ZNF800: variants seen among roughly 807,000 people sequenced by gnomAD.
The protein encoded by ZNF800 is zinc finger protein 800.
ZNF800 carries 13 observed loss-of-function variants against 59.5 expected under a neutral mutation model. The ratio of observed to expected loss-of-function variants is 0.22; its 90% CI spans 0.14 to 0.35. The LOEUF is 0.35. Ranked by LOEUF, ZNF800 falls within the 10% of genes least tolerant of loss-of-function variation. ZNF800 has a pLI of 1.00. For missense variants in ZNF800, 621 were observed against 783.7 expected (o/e 0.79, Z 2.48); for synonymous variants, 266 against 265.7 (o/e 1.00, Z -0.01).
intron 4 of ZNF800, 71 bp from the exon 5 acceptor site, chr7:127,375,105 T>G: frequency 1.6e-6 from 2 of 1,270,966 alleles, no homozygotes; most frequent in Non-Finnish European, 2.1e-6. Context: ...TTTTAAGATA[T>G]ATTATGAACC....
intron 1 of ZNF800, chr7:127,350,326 G>C (rs1308354073): frequency 6.6e-6 from 1 of 152,128 alleles, no homozygotes; most frequent in African/African-American, 2.4e-5. Flanking sequence ...TCTTTTGAAA[G>C]AAAAATGACT....
intron 1 of ZNF800, among the ~76,000 whole-genome samples, chr7:127,359,393 G>C (rs1004339610): frequency 6.6e-6 from 1 of 152,074 alleles, no homozygotes; most frequent in Non-Finnish European, 1.5e-5. Context: ...TTATTTAAAA[G>C]CTATAACACT....
chr7:127,386,275 C>A, intron 2 of ZNF800, 120 bp from the exon 3 acceptor site: 2 of 564,558 alleles, frequency 3.5e-6, no homozygotes, highest in Non-Finnish European at 3.1e-6. Context: ...CACTTGTGCC[C>A]GCACACACAC....
downstream of ZNF800, chr7:127,346,670 T>C (rs1800070548): frequency 6.6e-6 from 1 of 152,236 alleles, no homozygotes; most frequent in East Asian, 1.9e-4. Flanking sequence ...GCATGGAATG[T>C]CTGATGATGT....
At chr7:127,391,419 G>GA in intron 2 of ZNF800, 78 bp downstream of exon 2, 8 of 1,406,804 alleles carry the variant, frequency 5.7e-6, no homozygotes, top group Middle Eastern at 1.8e-4. Context: ...GGGGCAGGAG[G>GA]AAAAAAAGCT....
downstream of ZNF800, among the ~76,000 whole-genome samples, chr7:127,368,123 C>T (rs1168323330): frequency 6.6e-6 from 1 of 151,904 alleles, no homozygotes; most frequent in Non-Finnish European, 1.5e-5. Context: ...TTCTATTAAA[C>T]TAGAAGAAGA....
downstream of ZNF800, among the ~76,000 whole-genome samples, chr7:127,344,168 G>GA (rs1393935169): frequency 1.3e-5 from 2 of 151,838 alleles, no homozygotes; most frequent in Non-Finnish European, 2.9e-5. Context: ...ACTTAGAAGA[G>GA]AATCAACTAG....
rs1800825148 is a variant in ZNF800, at chr7:127,377,691, G to A, written c.158-362C>T. On this transcript the variant is annotated intron_variant, in intron 3 of 5. Coordinates refer to ENST00000265827, the MANE Select transcript of ZNF800 (RefSeq NM_176814.5). This position sits in a 1 kb window ranked among gnomAD's most constrained non-coding sequence, Gnocchi z 4.7. ...GAGGTTCAGATTTAATAGATTTGGAGTAGGACAGAAAAATTAAATGTTCCC... is the reference window on the plus strand; with the variant it reads ...GAGGTTCAGATTTAATAGATTTGGAATAGGACAGAAAAATTAAATGTTCCC... 6.6e-6 allele frequency among the ~76,000 whole-genome samples: 1 copy of A among 152,068 alleles called. No individual in the cohort carries two copies. Among genetic ancestry groups the A allele is most frequent in the Non-Finnish European group, 1.5e-5 (1 of 67,934 alleles).
chr7:127,373,128 A>T, intron 5 of ZNF800: 1 of 985,468 alleles, frequency 1.0e-6, no homozygotes, highest in Non-Finnish European at 1.2e-6. Context: ...CCTGTGGAAG[A>T]TAAGTTCTGA....
At chr7:127,352,891 C>T (rs1444614452) in intron 1 of ZNF800, among the ~76,000 whole-genome samples, 1 of 92,548 alleles carries the variant, frequency 1.1e-5, no homozygotes, top group African/African-American at 5.4e-5. Flanking sequence ...AGCAAAATCC[C>T]ACGATTACAC....
downstream of ZNF800, among the ~76,000 whole-genome samples, chr7:127,365,809 G>C (rs931010446): frequency 2.0e-5 from 3 of 152,036 alleles, no homozygotes; most frequent in Non-Finnish European, 2.9e-5. Context: ...TTAACGGTTG[G>C]ATTATTGCCA....
chr7:127,366,108 A>G (rs1287913646), downstream of ZNF800, among the ~76,000 whole-genome samples: 3 of 152,152 alleles, frequency 2.0e-5, no homozygotes, highest in East Asian at 3.9e-4. Context: ...CTACAGAGCT[A>G]GTAAGCAAAG....
chr7:127,345,165 T>A (rs1800034914), downstream of ZNF800, among the ~76,000 whole-genome samples: 1 of 152,194 alleles, frequency 6.6e-6, no homozygotes, highest in Non-Finnish European at 1.5e-5. Context: ...GTTCATTCAT[T>A]CCTTCAACAG....
intron 1 of ZNF800, chr7:127,364,179 T>G (rs1800454218): frequency 6.6e-6 from 1 of 152,108 alleles, no homozygotes; most frequent in African/African-American, 2.4e-5. Context: ...TTGTAAGCAC[T>G]AATGGTTGCA....
At chr7:127,376,288 G>C (rs1459822307) in intron 4 of ZNF800, among the ~76,000 whole-genome samples, 1 of 151,908 alleles carries the variant, frequency 6.6e-6, no homozygotes, top group African/African-American at 2.4e-5. Context: ...AAAAGGTTAA[G>C]TTGAAAAATG....
intron 5 of ZNF800, chr7:127,372,851 G>A (rs747933093): frequency 1.6e-4 from 154 of 984,908 alleles, no homozygotes; most frequent in Non-Finnish European, 1.8e-4. Context: ...TTATTTAGCC[G>A]TCACAGATTA....
intron 4 of ZNF800, among the ~76,000 whole-genome samples, chr7:127,376,601 T>C (rs1038125683): frequency 3.3e-5 from 5 of 151,966 alleles, no homozygotes; most frequent in Non-Finnish European, 5.9e-5. Flanking sequence ...TGTAACATAA[T>C]GTAATTTCTG....
rs1347720650 is a variant in ZNF800, at chr7:127,392,069, A to AGGGCGGGCCGGC, written c.-80_-69dup. ...AGTGCGCCCAACTTACTCAACTCTT[A>AGGGCGGGCCGGC]GGGCGGGCCGGCGGGCGGGCGGAAG... On this transcript the variant is annotated 5_prime_UTR_variant, in exon 1 of 6. Coordinates refer to ENST00000265827, the MANE Select transcript of ZNF800 (RefSeq NM_176814.5). 6.2e-5 allele frequency: 24 copies of AGGGCGGGCCGGC among 389,610 alleles called. No homozygotes were observed. Among genetic ancestry groups the AGGGCGGGCCGGC allele is most frequent in the African/African-American group, 1.3e-4 (6 of 47,756 alleles). The allele number at this position is 389,610 out of a possible 1,614,324, so 24.1% of individuals were successfully genotyped here.
rs1800623076 is a variant in ZNF800 at position 127,371,187 on chromosome 7, C to A, written c.*627G>T. The A allele has an allele frequency of 6.6e-6, 1 of 152,544 alleles. No homozygotes were observed. The highest frequency in any genetic ancestry group is 1.9e-4 in the East Asian group (1 of 5,194). 9.4% of individuals were successfully genotyped at this position (152,544 alleles called of 1,614,324 possible). On this transcript the variant is annotated 3_prime_UTR_variant, in exon 6 of 6. Transcript: ENST00000265827. The stretch of plus-strand genomic sequence containing the variant: ...GTAATGATCCATGCATGAAAATGAA[C>A]TGCAGCTTTCCTGTAGTATATATTT...
Sources: allele counts gnomAD v4.1 joint callset (sites outside exome capture counted in the v4.1 genomes callset), GRCh38; gene constraint gnomAD v4.1.1; non-coding constraint Gnocchi (gnomAD v3.1); transcripts MANE v1.5; gene names NCBI Gene and HGNC (gene_info 2026-07-23, HGNC 2026-07-21).